Variants in SLC35E3 observed in about 807,000 individuals in gnomAD.
SLC35E3 encodes the protein bladder cancer-overexpressed gene 1 protein.
In SLC35E3, 28 loss-of-function variants were observed where a neutral mutation model predicts 30.8. The ratio of observed to expected loss-of-function variants is 0.91; its 90% CI spans 0.67 to 1.25. The LOEUF is 1.25. Among genes scored for constraint, SLC35E3 ranks in the 50% most tolerant of loss-of-function variants. The pLI is 0.00. For missense variants in SLC35E3, 365 were observed against 375.4 expected (o/e 0.97, Z 0.23); for synonymous variants, 146 against 149.2 (o/e 0.98, Z 0.16).
rs1048118120 is a variant in SLC35E3, at chr12:68,781,086, A to G, written c.*16196A>G. 4 of 127,860 alleles carry G rather than the reference A, an allele frequency of 3.1e-5. No homozygotes were observed. Among genetic ancestry groups the G allele is most frequent in the African/African-American group, 1.6e-4 (3 of 18,830 alleles). The allele number at this position is 127,860 out of a possible 1,614,324, so 7.9% of individuals were successfully genotyped here. On this transcript the variant is annotated 3_prime_UTR_variant, in exon 5 of 5. Coordinates refer to ENST00000398004, the MANE Select transcript of SLC35E3 (RefSeq NM_018656.5). ...TGGCTGATGTGGATGTCTTTGGGGA[A>G]GAAAAATTCAGGATGAGTTTATTGA... is the stretch of plus-strand genomic sequence containing the variant.
At chr12:68,747,266 CTTT>C (rs201303961) in intron 1 of SLC35E3, among the ~76,000 whole-genome samples, 1 of 143,804 alleles carries the variant, frequency 7.0e-6, no homozygotes, top group Admixed American at 6.9e-5. Flanking sequence ...AGGTCTTTTT[CTTT>C]TTTTTTTTTT....
At chr12:68,760,048 T>G (rs900754050) in intron 4 of SLC35E3, 3 of 152,178 alleles carry the variant, frequency 2.0e-5, no homozygotes, top group Admixed American at 6.6e-5. Flanking sequence ...AGTCAAGAAA[T>G]GAAGTCATTG....
At position 68,774,312 on chromosome 12, in the gene SLC35E3, G is replaced by T. The variant is rs1018584991; in HGVS notation, c.*9422G>T. ...ATTAGTCAGGTGGCCAGGCGTAGTG[G>T]TTCACACCTGCAATCTCAGCACTTT... On this transcript the variant is annotated 3_prime_UTR_variant, in exon 5 of 5. Transcript: ENST00000398004. 6.6e-6 allele frequency: 1 copy of T among 152,106 alleles called. No individual in the cohort carries two copies. Among genetic ancestry groups the T allele is most frequent in the Non-Finnish European group, 1.5e-5 (1 of 68,088 alleles). The allele number at this position is 152,106 out of a possible 1,614,324, so 9.4% of individuals were successfully genotyped here. A position where few individuals can be genotyped will look rare whatever the true frequency, so the allele number is the denominator to read the frequency against.
rs1200237104 is a variant in SLC35E3, at chr12:68,773,786, T to C, written c.*8896T>C. On this transcript the variant is annotated 3_prime_UTR_variant, in exon 5 of 5. Coordinates refer to ENST00000398004, the MANE Select transcript of SLC35E3 (RefSeq NM_018656.5). The stretch of plus-strand genomic sequence containing the variant: ...TTGACCATATTTGTTAGGATCAGCA[T>C]TTTTATATGATTTAACACAAAATGT... 1 of 152,200 alleles carries C rather than the reference T, an allele frequency of 6.6e-6. No individual in the cohort carries two copies. Among genetic ancestry groups the C allele is most frequent in the Non-Finnish European group, 1.5e-5 (1 of 68,028 alleles). 9.4% of individuals were successfully genotyped at this position (152,200 alleles called of 1,614,324 possible).
chr12:68,758,008 C>G (rs1380329059), intron 3 of SLC35E3, among the ~76,000 whole-genome samples: 1 of 151,624 alleles, frequency 6.6e-6, no homozygotes, highest in Non-Finnish European at 1.5e-5. Context: ...AGAAGAATCA[C>G]TTGAACCTGG....
intron 3 of SLC35E3, among the ~76,000 whole-genome samples, chr12:68,754,065 T>G (rs1878912920): frequency 6.6e-6 from 1 of 152,104 alleles, no homozygotes; most frequent in African/African-American, 2.4e-5. Flanking sequence ...CAGGATGGTC[T>G]CAATCTCTTG....
In SLC35E3 at chr12:68,769,864, G is replaced by A. The variant is rs1879556159; in HGVS notation, c.*4974G>A. On this transcript the variant is annotated 3_prime_UTR_variant, in exon 5 of 5. Transcript: ENST00000398004. ...GGATATAAAACAGTTTTTATGTAGA[G>A]ACAGTCCTATATTTCCTGTGATCTT... 3 of 152,184 alleles carry A rather than the reference G, an allele frequency of 2.0e-5. No homozygotes were observed. In the South Asian group the frequency reaches 6.2e-4, roughly 31 times the overall value. 9.4% of individuals were successfully genotyped at this position (152,184 alleles called of 1,614,324 possible).
rs776092356 is a variant in SLC35E3 at position 68,746,484 on chromosome 12, A to C, written c.107A>C (p.Tyr36Ser). 7 of 1,614,206 alleles carry C rather than the reference A, an allele frequency of 4.3e-6. No homozygotes were observed. Among genetic ancestry groups the C allele is most frequent in the Non-Finnish European group, 5.9e-6 (7 of 1,180,024 alleles). Residue 36 changes from tyrosine to serine, a missense_variant, in exon 1 of 5, where the codon TAT becomes TCT. By Grantham distance (144) the Tyr-to-Ser change is moderately radical. Coordinates refer to ENST00000398004, the MANE Select transcript of SLC35E3 (RefSeq NM_018656.5). The part of the protein sequence containing the change: ...ICIVFLNKWI[Y>S]VYHGFPNMSL... ...ATTGTGTTCCTCAACAAATGGATTTATGTGTACCACGGCTTCCCCAACATG... is the reference window on the plus strand; with the variant it reads ...ATTGTGTTCCTCAACAAATGGATTTCTGTGTACCACGGCTTCCCCAACATG...
chr12:68,759,322 C>A, intron 4 of SLC35E3, 83 bp downstream of exon 4: 1 of 971,740 alleles, frequency 1.0e-6, no homozygotes, highest in Non-Finnish European at 1.6e-6. Flanking sequence ...TTGAATCTCA[C>A]ACTAACTATT....
chr12:68,767,660 T>C lies in SLC35E3; in HGVS notation c.*2770T>C, dbSNP rs937358594. ...CTTTGGGGTTTTTAGGATTTTTTTT[T>C]CCTGGACTCTGAAATGAGAAGCCTC... On this transcript the variant is annotated 3_prime_UTR_variant, in exon 5 of 5. Transcript: ENST00000398004. The C allele has an allele frequency of 6.6e-6, 1 of 152,142 alleles. No individual in the cohort carries two copies. Among genetic ancestry groups the C allele is most frequent in the Non-Finnish European group, 1.5e-5 (1 of 68,024 alleles). 9.4% of individuals were successfully genotyped at this position (152,142 alleles called of 1,614,324 possible).
At chr12:68,762,034 C>T (rs1266703665) in intron 4 of SLC35E3, among the ~76,000 whole-genome samples, 1 of 151,936 alleles carries the variant, frequency 6.6e-6, no homozygotes, top group African/African-American at 2.4e-5. Context: ...GATCATGGTT[C>T]ACTGCAACCT....
rs575780613 is a variant in SLC35E3, at chr12:68,778,571, C to T, written c.*13681C>T. The T allele has an allele frequency of 3.3e-5, 5 of 152,328 alleles. No individual in the cohort carries two copies. In the South Asian group the frequency reaches 1.0e-3, roughly 32 times the overall value. 9.4% of individuals were successfully genotyped at this position (152,328 alleles called of 1,614,324 possible). A position where few individuals can be genotyped will look rare whatever the true frequency, so the allele number is the denominator to read the frequency against. On this transcript the variant is annotated 3_prime_UTR_variant, in exon 5 of 5. Transcript: ENST00000398004. ...TTGCAAGGCCGAAGCGGGTGGATCA[C>T]CTGAGGTCAGGAGTTTGAGACCAGC...
chr12:68,747,741 G>A (rs1172159948), intron 1 of SLC35E3, among the ~76,000 whole-genome samples, 189 bp from the exon 2 acceptor site: 4 of 152,152 alleles, frequency 2.6e-5, no homozygotes, highest in Non-Finnish European at 5.9e-5. Context: ...ATATAGATTT[G>A]TCATATTTCA....
At chr12:68,749,556 CAA>C (rs1387992429) in intron 2 of SLC35E3, among the ~76,000 whole-genome samples, 1 of 152,120 alleles carries the variant, frequency 6.6e-6, no homozygotes, top group Non-Finnish European at 1.5e-5. Flanking sequence ...TGTAGAAACA[CAA>C]AGAGACAGCT....
Position 68,766,719 on chromosome 12 carries a change from G to T in SLC35E3, c.*1829G>T. The T allele has an allele frequency of 2.3e-6, 1 of 442,102 alleles. No homozygotes were observed. The highest frequency in any genetic ancestry group is 4.5e-6 in the Non-Finnish European group (1 of 221,560). 27.4% of individuals were successfully genotyped at this position (442,102 alleles called of 1,614,324 possible). A position where few individuals can be genotyped will look rare whatever the true frequency, so the allele number is the denominator to read the frequency against. On this transcript the variant is annotated 3_prime_UTR_variant, in exon 5 of 5. Transcript: ENST00000398004. ...CCTGCCTCAACCTCCCCAGTAGCTG[G>T]GACTACAGGTGCACACCAACATACC...
intron 4 of SLC35E3, among the ~76,000 whole-genome samples, chr12:68,762,039 C>T (rs1330313779): frequency 6.6e-6 from 1 of 152,008 alleles, no homozygotes; most frequent in Non-Finnish European, 1.5e-5. Flanking sequence ...TGGTTCACTG[C>T]AACCTCAAAC....
At chr12:68,754,086 C>T (rs1329585829) in intron 3 of SLC35E3, among the ~76,000 whole-genome samples, 1 of 151,988 alleles carries the variant, frequency 6.6e-6, no homozygotes, top group Non-Finnish European at 1.5e-5. Flanking sequence ...ACCTCGTGAC[C>T]CACCCGCCTC....
At chr12:68,749,780 C>T (rs975091464) in intron 2 of SLC35E3, among the ~76,000 whole-genome samples, 2 of 152,050 alleles carry the variant, frequency 1.3e-5, no homozygotes, top group Non-Finnish European at 2.9e-5. Context: ...TTTTGGAGAA[C>T]TTGATTTGTT....
At chr12:68,751,990 T>G in intron 2 of SLC35E3, 42 bp from the exon 3 acceptor site, 2 of 1,536,864 alleles carry the variant, frequency 1.3e-6, no homozygotes, top group Non-Finnish European at 1.8e-6. Context: ...TATGTGATAC[T>G]ATTTCTTTTG....
Sources: allele counts gnomAD v4.1 joint callset (sites outside exome capture counted in the v4.1 genomes callset), GRCh38; gene constraint gnomAD v4.1.1; transcripts MANE v1.5; gene names NCBI Gene and HGNC (gene_info 2026-07-23, HGNC 2026-07-21).